KMT5A: variants seen among roughly 807,000 people sequenced by gnomAD.
KMT5A encodes the protein N-lysine methyltransferase KMT5A.
A neutral mutation model predicts 40.6 loss-of-function variants in KMT5A; 6 were observed. That is an observed-to-expected ratio of 0.15 (90% CI 0.08 to 0.29). The LOEUF (loss-of-function observed/expected upper bound fraction) is 0.29. Among genes scored for constraint, KMT5A ranks in the 10% least tolerant of loss-of-function variants. The pLI is 1.00. For missense variants in KMT5A, 308 were observed against 459.1 expected (o/e 0.67, Z 3.01); for synonymous variants, 153 against 178.8 (o/e 0.86, Z 1.15).
chr12:123,390,156 G>T (rs1303139920), intron 2 of KMT5A: 2 of 465,348 alleles, frequency 4.3e-6, no homozygotes, highest in Non-Finnish European at 4.4e-6. Flanking sequence ...GAGGGGTCAG[G>T]CTCCGGCGCT....
chr12:123,407,434 C>A, intron 7 of KMT5A, 59 bp from the exon 8 acceptor site: 1 of 1,519,216 alleles, frequency 6.6e-7, no homozygotes, highest in Non-Finnish European at 9.1e-7. Context: ...GTGTGACTCT[C>A]TTCAGGTTGA....
chr12:123,390,508 TG>T, intron 2 of KMT5A, 121 bp from the exon 3 acceptor site: 1 of 1,244,370 alleles, frequency 8.0e-7, no homozygotes, highest in Non-Finnish European at 1.1e-6. Context: ...TGGCATCCCC[TG>T]GTAGCCCAGT....
rs371474913 is a variant in KMT5A at position 123,395,111 on chromosome 12, C to G, written c.354C>G (p.Asp118Glu). 6.2e-7 allele frequency: 1 copy of G among 1,602,108 alleles called. No homozygotes were observed. Among genetic ancestry groups the G allele is most frequent in the African/African-American group, 1.3e-5 (1 of 74,762 alleles). Residue 118 changes from aspartate (D) to glutamate (E), a missense_variant, in exon 4 of 8, where the codon GAC (aspartate) becomes GAG (glutamate). By Grantham distance (45) the Asp-to-Glu change is conservative (BLOSUM62 2). Transcript: ENST00000402868. ...AGTCCGAGGAACAGAAGATCAAAGA[C>G]GCCAGGAAAGGTCCCCTGGTACCTT... ...AMKSEEQKIKDARKGPLVPFP... is the reference protein window; with the variant it reads ...AMKSEEQKIKEARKGPLVPFP...
chr12:123,401,338 T>C lies in KMT5A; in HGVS notation c.598-2235T>C, dbSNP rs865968638. On this transcript the variant is annotated intron_variant, in intron 5 of 7. Transcript: ENST00000402868. ...TAATTTTTTGTATTTTTAGTAGAGA[T>C]GGGGTTTCACCATGTTAGCCAGGAT... 3.7e-3 allele frequency among the ~76,000 whole-genome samples: 557 copies of C among 150,128 alleles called. 4 individuals carry two copies. The highest frequency in any genetic ancestry group is 0.012 in the African/African-American group (496 of 40,868).
intron 5 of KMT5A, among the ~76,000 whole-genome samples, chr12:123,402,947 C>T (rs989091789): frequency 2.0e-5 from 3 of 152,194 alleles, no homozygotes; most frequent in Admixed American, 6.5e-5. Context: ...CTTGCTGTGT[C>T]GCCCAGGCTG....
chr12:123,394,104 C>CTT (rs397711320), intron 3 of KMT5A, among the ~76,000 whole-genome samples: 1,853 of 125,012 alleles, frequency 0.015, 56 homozygotes, highest in East Asian at 0.087. Context: ...ATTTTTTTTT[C>CTT]TTTTTTTTTT....
Position 123,398,200 on chromosome 12 carries a change from T to G in KMT5A, c.597+1768T>G, listed in dbSNP as rs1877882151. Among the ~76,000 whole-genome samples, 3 of 151,714 alleles carry G rather than the reference T, an allele frequency of 2.0e-5. No individual in the cohort carries two copies. The South Asian group carries it at 6.2e-4, about 31-fold the overall frequency. ...GGGAGGCTGAGATGGGAGAATCACTTGAACCCAGGAGACGGTAGTTGCAGT... is the reference window on the plus strand; with the variant it reads ...GGGAGGCTGAGATGGGAGAATCACTGGAACCCAGGAGACGGTAGTTGCAGT... On this transcript the variant is annotated intron_variant, in intron 5 of 7. Coordinates refer to ENST00000402868, the MANE Select transcript of KMT5A (RefSeq NM_020382.7).
chr12:123,400,256 C>T (rs920227244), intron 5 of KMT5A, among the ~76,000 whole-genome samples: 28 of 134,012 alleles, frequency 2.1e-4, no homozygotes, highest in African/African-American at 7.8e-4. Context: ...AGGATGGTCT[C>T]GATCTCCTGA....
intron 3 of KMT5A, among the ~76,000 whole-genome samples, chr12:123,392,747 A>G (rs1295124582): frequency 6.6e-6 from 1 of 152,182 alleles, no homozygotes; most frequent in Non-Finnish European, 1.5e-5. Context: ...CTGCTGTGAT[A>G]CAGACTGAGT....
rs145914232 is a variant in KMT5A, at chr12:123,399,485, A to T, written c.597+3053A>T. On this transcript the variant is annotated intron_variant, in intron 5 of 7. Coordinates refer to ENST00000402868, the MANE Select transcript of KMT5A (RefSeq NM_020382.7). Reference sequence around the variant, plus strand: ...GTTTGGTCCCAGCAGAAAAACCCCCATTCCACTACCCCGGTCTTTCCATGA... The same window carrying T: ...GTTTGGTCCCAGCAGAAAAACCCCCTTTCCACTACCCCGGTCTTTCCATGA... Among the ~76,000 whole-genome samples, 1,151 of 152,190 alleles carry T rather than the reference A, an allele frequency of 7.6e-3. 12 individuals carry two copies. Among genetic ancestry groups the T allele is most frequent in the African/African-American group, 0.023 (960 of 41,512 alleles).
At chr12:123,394,384 G>T (rs1877538571) in intron 3 of KMT5A, among the ~76,000 whole-genome samples, 1 of 152,098 alleles carries the variant, frequency 6.6e-6, no homozygotes, top group African/African-American at 2.4e-5. Context: ...ATTACAGGCA[G>T]GAGCCACTGT....
intron 5 of KMT5A, among the ~76,000 whole-genome samples, chr12:123,403,076 T>G (rs1250853667): frequency 6.6e-6 from 1 of 152,230 alleles, no homozygotes; most frequent in Non-Finnish European, 1.5e-5. Context: ...TGGCTAATTT[T>G]TGTATCTTTA....
rs546848565 is a variant in KMT5A, at chr12:123,403,149, C to T, written c.598-424C>T. Reference sequence around the variant, plus strand: ...CGAACTCGTGACCTTACGATCCGCCCGCCTCGGCCTCCCGAAGTGTTGCGA... The same window carrying T: ...CGAACTCGTGACCTTACGATCCGCCTGCCTCGGCCTCCCGAAGTGTTGCGA... On this transcript the variant is annotated intron_variant, in intron 5 of 7. Transcript: ENST00000402868. Among the ~76,000 whole-genome samples, 8 of 152,340 alleles carry T rather than the reference C, an allele frequency of 5.3e-5. No homozygotes were observed. The South Asian group carries it at 1.0e-3, about 20-fold the overall frequency.
chr12:123,392,465 C>T lies in KMT5A; in HGVS notation c.289+1679C>T, dbSNP rs185026722. 3.3e-4 allele frequency among the ~76,000 whole-genome samples: 50 copies of T among 152,028 alleles called. 2 individuals carry two copies. The East Asian group carries it at 9.5e-3, about 29-fold the overall frequency. ...TTGAGCCCAGGAGTTTGAGACCAGC[C>T]TGGGCAACATAGTGAGGCCTCATCT... is the stretch of plus-strand genomic sequence containing the variant. On this transcript the variant is annotated intron_variant, in intron 3 of 7. Transcript: ENST00000402868.
chr12:123,388,614 C>CT (rs1476948950), intron 1 of KMT5A: 1 of 152,288 alleles, frequency 6.6e-6, no homozygotes. Flanking sequence ...GATTCAATGC[C>CT]TGTGAAACTC....
At chr12:123,405,352 G>A (rs1302298606) in intron 7 of KMT5A, among the ~76,000 whole-genome samples, 2 of 151,072 alleles carry the variant, frequency 1.3e-5, no homozygotes, top group Non-Finnish European at 2.9e-5. Context: ...TGTATTTTTA[G>A]TAGAGGTGGA....
intron 4 of KMT5A, 137 bp downstream of exon 4, chr12:123,395,403 A>G (rs1877638515): frequency 1.2e-6 from 1 of 845,280 alleles, no homozygotes; most frequent in African/African-American, 1.7e-5. Context: ...AGATGCCCCG[A>G]GTCATCAGCA....
chr12:123,389,578 C>T (rs1424085965), intron 2 of KMT5A, 24 bp downstream of exon 2: 5 of 1,074,656 alleles, frequency 4.7e-6, no homozygotes, highest in Non-Finnish European at 5.6e-6. Context: ...CTCCCCGCAC[C>T]CCTGCGGCGC....
rs78382385 is a variant in KMT5A, at chr12:123,385,037, T to TA, written c.10+843dup. On this transcript the variant is annotated intron_variant, in intron 1 of 7. Coordinates refer to ENST00000402868, the MANE Select transcript of KMT5A (RefSeq NM_020382.7). ...CGTGAAAGTTGAGTAGAATTAGTAT[T>TA]AAAAAAAAAAAAAAGTTTTGGTATT... 4.4e-3 allele frequency among the ~76,000 whole-genome samples: 624 copies of TA among 142,882 alleles called. 4 individuals carry two copies. The highest frequency in any genetic ancestry group is 0.012 in the African/African-American group (465 of 39,116). The allele number at this position is 142,882 out of a possible 152,430, so 93.7% of individuals were successfully genotyped here. A position where few individuals can be genotyped will look rare whatever the true frequency, so the allele number is the denominator to read the frequency against.
Sources: allele counts gnomAD v4.1 joint callset (sites outside exome capture counted in the v4.1 genomes callset), GRCh38; gene constraint gnomAD v4.1.1; transcripts MANE v1.5; gene names NCBI Gene and HGNC (gene_info 2026-07-23, HGNC 2026-07-21).